NOS1AP: variants seen among roughly 807,000 people sequenced by gnomAD.
NOS1AP encodes nitric oxide synthase 1 adaptor protein.
Under a neutral mutation model 56.2 loss-of-function variants are expected in NOS1AP, and 21 were observed. The observed-to-expected ratio is 0.37, with a 90% confidence interval of 0.26 to 0.54. NOS1AP has a LOEUF of 0.54. Among genes scored for constraint, NOS1AP ranks in the 20% least tolerant of loss-of-function variants. The probability of loss-of-function intolerance (pLI) is 0.84; values close to 1 mark genes in which losing one functional copy is unlikely to be tolerated. For synonymous variants in NOS1AP, 270 were observed against 274.6 expected, an observed-to-expected ratio of 0.98 and a Z score of 0.17; for missense variants, 522 against 657.8, an observed-to-expected ratio of 0.79 and a Z score of 2.26.
chr1:162,250,766 C>A (rs951584601), intron 2 of NOS1AP, among the ~76,000 whole-genome samples: 1 of 152,142 alleles, frequency 6.6e-6, no homozygotes, highest in Non-Finnish European at 1.5e-5. Context: ...CCCTGGCATG[C>A]GAAGAGTGTG....
At chr1:162,248,925 CCT>C (rs1653762166) in intron 2 of NOS1AP, among the ~76,000 whole-genome samples, 1 of 152,158 alleles carries the variant, frequency 6.6e-6, no homozygotes, top group South Asian at 2.1e-4. Flanking sequence ...AGCACCCCCC[CCT>C]TTCCTTTTAT....
chr1:162,236,454 T>C (rs907402982), intron 2 of NOS1AP, among the ~76,000 whole-genome samples: 7 of 152,198 alleles, frequency 4.6e-5, no homozygotes, highest in African/African-American at 1.7e-4. Context: ...GCTGCAAGCT[T>C]GAGCAGTGTG....
intron 8 of NOS1AP, chr1:162,364,494 A>G (rs1658004675): frequency 3.0e-6 from 3 of 985,414 alleles, no homozygotes; most frequent in Non-Finnish European, 2.4e-6. Flanking sequence ...CCTCCCACTG[A>G]GTTTTATCTC....
At chr1:162,213,344 G>A (rs1652435510) in intron 2 of NOS1AP, among the ~76,000 whole-genome samples, 1 of 152,146 alleles carries the variant, frequency 6.6e-6, no homozygotes, top group Non-Finnish European at 1.5e-5. Flanking sequence ...TAATCCAGTG[G>A]TGGTTATATG....
intron 1 of NOS1AP, among the ~76,000 whole-genome samples, chr1:162,084,926 A>G (rs1422042560): frequency 2.0e-5 from 3 of 152,140 alleles, no homozygotes; most frequent in Non-Finnish European, 4.4e-5. Context: ...CAGACTCCCA[A>G]AGTGCTAGAT....
intron 5 of NOS1AP, among the ~76,000 whole-genome samples, chr1:162,340,046 T>A (rs1364917550): frequency 6.6e-6 from 1 of 152,210 alleles, no homozygotes; most frequent in African/African-American, 2.4e-5. Context: ...CCCTGAGTGG[T>A]AGATAGGAAG....
intron 1 of NOS1AP, among the ~76,000 whole-genome samples, chr1:162,143,747 C>A (rs1346047008): frequency 1.3e-5 from 2 of 152,148 alleles, no homozygotes; most frequent in Non-Finnish European, 2.9e-5. Context: ...CAGGAGTGAG[C>A]CATCATGTCT....
rs12750177 is a variant in NOS1AP at position 162,328,217 on chromosome 1, C to G, written c.345-4800C>G. On this transcript the variant is annotated intron_variant, in intron 4 of 9. Coordinates refer to ENST00000361897, the MANE Select transcript of NOS1AP (RefSeq NM_014697.3). ...AAAAATGAAAGGAGTGCAGAGGAGT[C>G]GGAGAGTGGGGAGGGCATCAGGAAG... Among the ~76,000 whole-genome samples, 347 of 152,118 alleles carry G rather than the reference C, an allele frequency of 2.3e-3. 1 individual carries two copies. Among genetic ancestry groups the G allele is most frequent in the Non-Finnish European group, 3.4e-3 (231 of 68,004 alleles).
intron 2 of NOS1AP, among the ~76,000 whole-genome samples, chr1:162,255,038 G>A (rs1223691366): frequency 6.6e-6 from 1 of 152,158 alleles, no homozygotes; most frequent in Admixed American, 6.5e-5. Context: ...TCTTCAAAAG[G>A]TCTTTCAAGA....
At chr1:162,230,656 T>C (rs1653093053) in intron 2 of NOS1AP, among the ~76,000 whole-genome samples, 2 of 152,212 alleles carry the variant, frequency 1.3e-5, no homozygotes, top group Non-Finnish European at 2.9e-5. Context: ...TTCCCTTTCT[T>C]CTTTCCCTGC....
intron 4 of NOS1AP, among the ~76,000 whole-genome samples, chr1:162,318,538 C>G (rs1656303059): frequency 6.6e-6 from 1 of 152,170 alleles, no homozygotes; most frequent in Non-Finnish European, 1.5e-5. Flanking sequence ...TGTTCCTCCT[C>G]AGATCTCTTG....
chr1:162,213,624 A>G lies in NOS1AP; in HGVS notation c.177+59148A>G, dbSNP rs190859120. ...GGATTGTTTTTAAGTTCTCCTCTGGATGAATTATGAGCTTTCTTGACTTTG... is the reference window on the plus strand; with the variant it reads ...GGATTGTTTTTAAGTTCTCCTCTGGGTGAATTATGAGCTTTCTTGACTTTG... On this transcript the variant is annotated intron_variant, in intron 2 of 9. Coordinates refer to ENST00000361897, the MANE Select transcript of NOS1AP (RefSeq NM_014697.3). 7.7e-4 allele frequency among the ~76,000 whole-genome samples: 117 copies of G among 152,292 alleles called. 2 individuals are homozygous for G. Among genetic ancestry groups the G allele is most frequent in the Admixed American group, 6.3e-3 (97 of 15,300 alleles).
chr1:162,320,351 G>C (rs2101779569), intron 4 of NOS1AP, among the ~76,000 whole-genome samples: 1 of 152,318 alleles, frequency 6.6e-6, no homozygotes, highest in South Asian at 2.1e-4. Flanking sequence ...GACAAGGAGT[G>C]GACAAGCAAG....
chr1:162,091,076 GATTTAA>G (rs1192970074), intron 1 of NOS1AP, among the ~76,000 whole-genome samples: 213 of 152,038 alleles, frequency 1.4e-3, no homozygotes, highest in Middle Eastern at 6.8e-3. Flanking sequence ...TTTTCATGGA[GATTTAA>G]AAAATGTGGT....
chr1:162,277,782 T>C (rs150985486), intron 2 of NOS1AP, among the ~76,000 whole-genome samples: 6 of 152,326 alleles, frequency 3.9e-5, no homozygotes, highest in Non-Finnish European at 7.3e-5. Context: ...AAAACATTGC[T>C]ACCTTTTCCA....
chr1:162,361,350 AC>A (rs1451121048), intron 8 of NOS1AP, among the ~76,000 whole-genome samples: 3 of 152,218 alleles, frequency 2.0e-5, no homozygotes, highest in African/African-American at 7.2e-5. Flanking sequence ...GAAACAAAGC[AC>A]AGAGGGCTGT....
Position 162,256,814 on chromosome 1 carries a change from CT to C in NOS1AP, c.178-30522del, listed in dbSNP as rs1417289970. 4.6e-5 allele frequency among the ~76,000 whole-genome samples: 7 copies of C among 152,028 alleles called. No individual in the cohort carries two copies. In the South Asian group the frequency reaches 1.5e-3, roughly 32 times the overall value. On this transcript the variant is annotated intron_variant, in intron 2 of 9. Transcript: ENST00000361897. ...CTGAGTTTTGAAATGCCAGGGACGC[CT>C]TTTTTTTGTTTATTTCTGGTCATCT...
intron 2 of NOS1AP, among the ~76,000 whole-genome samples, chr1:162,248,839 C>T (rs1392633764): frequency 2.6e-5 from 4 of 152,108 alleles, no homozygotes; most frequent in East Asian, 3.9e-4. Context: ...TTAAAGTCTT[C>T]GGGGACCCAT....
At chr1:162,193,363 A>G (rs970638991) in intron 2 of NOS1AP, among the ~76,000 whole-genome samples, 3 of 152,074 alleles carry the variant, frequency 2.0e-5, no homozygotes, top group Non-Finnish European at 4.4e-5. Flanking sequence ...TTTGTCCTGG[A>G]GCATGTCCCA....
Sources: allele counts gnomAD v4.1 joint callset (sites outside exome capture counted in the v4.1 genomes callset), GRCh38; gene constraint gnomAD v4.1.1; transcripts MANE v1.5; gene names NCBI Gene and HGNC (gene_info 2026-07-23, HGNC 2026-07-21).